The following ANKS6 variants were observed in gnomAD, a reference collection of about 807,000 sequenced individuals.
ANKS6 encodes the protein ankyrin repeat and SAM domain-containing protein 6.
ANKS6 carries 47 observed loss-of-function variants against 77.9 expected under a neutral mutation model. The observed-to-expected ratio is 0.60, with a 90% CI of 0.48 to 0.77. ANKS6 has a LOEUF of 0.77. ANKS6 is among the 30% of genes least tolerant of loss of function. ANKS6 has a pLI of 0.00. For synonymous variants in ANKS6, 488 were observed against 501.7 expected (o/e 0.97, Z 0.37); for missense variants, 1,150 against 1,159.1 (o/e 0.99, Z 0.11).
chr9:98,774,009 G>A lies in ANKS6; in HGVS notation c.1689C>T (p.Pro563=), dbSNP rs1268617376. The change falls in exon 9 of 15, where the codon CCC becomes CCT. Residue 563 remains proline (P), a synonymous_variant. Coordinates refer to ENST00000353234, the MANE Select transcript of ANKS6 (RefSeq NM_173551.5). ...KLKAVIPPFL[P]PSSFELWSSD... ...AGCTCCACAGCTCAAAACTGGAAGG[G>A]GGTAGGAATGGGGGGATGACTGCTT... 2 of 1,581,266 alleles carry A rather than the reference G, an allele frequency of 1.3e-6. No individual in the cohort carries two copies. The highest frequency in any genetic ancestry group is 2.4e-5 in the East Asian group (1 of 42,156).
rs780843655 is a variant in ANKS6 at position 98,796,216 on chromosome 9, C to T, written c.276G>A (p.Pro92=). ...CGCGGCGCAGCAGGAAGCGCACCAG[C>T]GGTTCGTGGCCCCCGGCCGCGGCGA... ...LQFAAAGGHE[P]LVRFLLRRGA... is the part of the protein sequence containing the mutation. The change falls in exon 1 of 15, where the codon CCG becomes CCA. Residue 92 remains proline, a synonymous_variant. Transcript: ENST00000353234. 2.8e-6 allele frequency: 4 copies of T among 1,413,294 alleles called. No homozygotes were observed. Among genetic ancestry groups the T allele is most frequent in the Non-Finnish European group, 3.7e-6 (4 of 1,082,556 alleles). The allele number at this position is 1,413,294 out of a possible 1,614,324, so 87.5% of individuals were successfully genotyped here.
At chr9:98,753,627 A>C (rs923292101) in intron 12 of ANKS6, among the ~76,000 whole-genome samples, 2 of 151,516 alleles carry the variant, frequency 1.3e-5, no homozygotes, top group African/African-American at 4.9e-5. Flanking sequence ...TCTCAAAAAA[A>C]AAAAAAGCAA....
chr9:98,758,614 TCTA>T (rs1444959946), intron 11 of ANKS6, among the ~76,000 whole-genome samples: 2 of 152,156 alleles, frequency 1.3e-5, no homozygotes, highest in African/African-American at 2.4e-5. Context: ...TACTTTTATA[TCTA>T]CTAACTCTGT....
chr9:98,790,754 T>C (rs1013352992), intron 1 of ANKS6, 148 bp from the exon 2 acceptor site: 31 of 1,108,878 alleles, frequency 2.8e-5, no homozygotes, highest in Non-Finnish European at 3.6e-5. Context: ...GCCAGCCACA[T>C]GGATGCAGAT....
rs1405105690 is a variant in ANKS6, at chr9:98,732,964, C to T, written c.*3555G>A. ...TTCTGCCTAAACCTGCCCTTTGAGG[C>T]CCCACTCCATCTCTCTCCTCTGGGG... On this transcript the variant is annotated 3_prime_UTR_variant, in exon 15 of 15. Coordinates refer to ENST00000353234, the MANE Select transcript of ANKS6 (RefSeq NM_173551.5). 3 of 1,033,710 alleles carry T rather than the reference C, an allele frequency of 2.9e-6. No homozygotes were observed. The highest frequency in any genetic ancestry group is 1.0e-4 in the Admixed American group (2 of 19,910). The allele number at this position is 1,033,710 out of a possible 1,614,324, so 64.0% of individuals were successfully genotyped here. A position where few individuals can be genotyped will look rare whatever the true frequency, so the allele number is the denominator to read the frequency against.
intron 11 of ANKS6, among the ~76,000 whole-genome samples, chr9:98,765,777 G>A (rs771970018): frequency 2.6e-5 from 4 of 152,048 alleles, no homozygotes; most frequent in South Asian, 4.1e-4. Flanking sequence ...ACTGATTCAC[G>A]GCCCTGCTAG....
At chr9:98,780,379 G>A (rs1187416201) in intron 5 of ANKS6, 42 bp from the exon 6 acceptor site, 2 of 1,538,586 alleles carry the variant, frequency 1.3e-6, no homozygotes, top group Non-Finnish European at 1.8e-6. Context: ...AAATATGTCT[G>A]TTGGGCCATA....
intron 3 of ANKS6, 115 bp downstream of exon 3, chr9:98,784,717 T>C: frequency 1.0e-6 from 1 of 975,334 alleles, no homozygotes; most frequent in South Asian, 1.5e-5. Flanking sequence ...AACACCAAAA[T>C]GCCTGTTTCT....
intron 5 of ANKS6, among the ~76,000 whole-genome samples, chr9:98,781,820 C>T (rs867467631): frequency 6.6e-6 from 1 of 152,194 alleles, no homozygotes; most frequent in African/African-American, 2.4e-5. Flanking sequence ...CCCAGTGGGT[C>T]AGAAGGGCCT....
intron 5 of ANKS6, among the ~76,000 whole-genome samples, chr9:98,781,201 A>C (rs1007790069): frequency 6.6e-6 from 1 of 152,100 alleles, no homozygotes; most frequent in Non-Finnish European, 1.5e-5. Context: ...ACGCCAGGTT[A>C]TTTCTTTTTT....
In ANKS6 at chr9:98,782,501, C is replaced by T. The variant is rs146980948; in HGVS notation, c.1185G>A (p.Thr395=). 1.8e-5 allele frequency: 29 copies of T among 1,614,126 alleles called. No individual in the cohort carries two copies. The Admixed American group carries it at 3.3e-4, about 19-fold the overall frequency. The part of the protein sequence containing the change: ...DVTLRAKNGY[T]AFDLVMLLND... ...TCAGCAGCATCACCAGGTCAAAGGC[C>T]GTGTATCCATTTTTTGCACGAAGAG... is the stretch of plus-strand genomic sequence containing the variant. The change falls in exon 5 of 15, where the codon ACG becomes ACA. Residue 395 remains threonine, a synonymous_variant. Coordinates refer to ENST00000353234, the MANE Select transcript of ANKS6 (RefSeq NM_173551.5).
chr9:98,736,631 G>C lies in ANKS6; in HGVS notation c.2512-8C>G. 1 of 1,599,690 alleles carries C rather than the reference G, an allele frequency of 6.3e-7. No individual in the cohort carries two copies. The highest frequency in any genetic ancestry group is 8.5e-7 in the Non-Finnish European group (1 of 1,172,568). On this transcript the variant is annotated splice_region_variant and splice_polypyrimidine_tract_variant and intron_variant, in intron 14 of 14. Transcript: ENST00000353234. ...AATTTGTCTCTCGCGTCCCTGTGGA[G>C]GAAATTGAAAACAGACACAGAAAGT...
At chr9:98,775,048 G>A (rs532028257) in intron 8 of ANKS6, among the ~76,000 whole-genome samples, 11 of 152,310 alleles carry the variant, frequency 7.2e-5, no homozygotes, top group Non-Finnish European at 1.0e-4. Flanking sequence ...TCCCAGGCTG[G>A]CTCTGTCCTG....
chr9:98,782,627 C>T (rs1250281542), intron 4 of ANKS6, 54 bp from the exon 5 acceptor site: 2 of 1,434,674 alleles, frequency 1.4e-6, no homozygotes, highest in African/African-American at 2.8e-5. Flanking sequence ...TGGCTTTGCT[C>T]CTGGGCAACA....
chr9:98,791,030 T>A lies in ANKS6; in HGVS notation c.360-424A>T, dbSNP rs1475332796. ...TATTATAATTGTTCATGTTACGTTA[T>A]TCAACGTGCCAAGGGTTACCCGGCT... On this transcript the variant is annotated intron_variant, in intron 1 of 14. Transcript: ENST00000353234. This position sits in a 1 kb window ranked among gnomAD's most constrained non-coding sequence, Gnocchi z 4.3. Among the ~76,000 whole-genome samples, 2 of 152,258 alleles carry A rather than the reference T, an allele frequency of 1.3e-5. No homozygotes were observed. Among genetic ancestry groups the A allele is most frequent in the Non-Finnish European group, 2.9e-5 (2 of 68,044 alleles).
At position 98,771,061 on chromosome 9, in the gene ANKS6, C is replaced by T. The variant is rs1440198509; in HGVS notation, c.1822-15G>A. 1.3e-6 allele frequency: 2 copies of T among 1,536,370 alleles called. No homozygotes were observed. Among genetic ancestry groups the T allele is most frequent in the Non-Finnish European group, 1.8e-6 (2 of 1,138,846 alleles). ...CTGACGGGTGTCTACAAGAATAAGG[C>T]AGGTGCAGCACTTAGGGAGGCTGCT... is the stretch of plus-strand genomic sequence containing the variant. On this transcript the variant is annotated splice_polypyrimidine_tract_variant and intron_variant, in intron 9 of 14. Coordinates refer to ENST00000353234, the MANE Select transcript of ANKS6 (RefSeq NM_173551.5).
Position 98,736,444 on chromosome 9 carries a change from C to T in ANKS6, c.*75G>A. ...CTAAGGCACAGCAGTGTGACGGGGG[C>T]AGGGCTGGGGCTGTGGCCACGTGAA... On this transcript the variant is annotated 3_prime_UTR_variant, in exon 15 of 15. Transcript: ENST00000353234. 2 of 1,495,842 alleles carry T rather than the reference C, an allele frequency of 1.3e-6. No individual in the cohort carries two copies. Among genetic ancestry groups the T allele is most frequent in the Admixed American group, 2.3e-5 (1 of 43,054 alleles). The allele number at this position is 1,495,842 out of a possible 1,614,324, so 92.7% of individuals were successfully genotyped here.
rs944653514 is a variant in ANKS6, at chr9:98,796,281, C to A, written c.211G>T (p.Val71Leu). The A allele has an allele frequency of 3.4e-5, 45 of 1,318,778 alleles. No homozygotes were observed. The Admixed American group carries it at 4.3e-4, about 13-fold the overall frequency. 81.7% of individuals were successfully genotyped at this position (1,318,778 alleles called of 1,614,324 possible). The change falls in exon 1 of 15, where the codon GTG (valine) becomes TTG (leucine). Residue 71 changes from valine (V) to leucine (L), a missense_variant. Physicochemically the swap from Val to Leu is conservative, Grantham distance 32 (BLOSUM62 1). Transcript: ENST00000353234. Reference protein sequence around the residue: ...AAGAVGAPVPVDCSDEAGNTA... With the variant: ...AAGAVGAPVPLDCSDEAGNTA... The stretch of plus-strand genomic sequence containing the variant: ...TTGCCCGCCTCGTCCGAGCAATCCA[C>A]GGGCACCGGAGCCCCGACTGCCCCC...
chr9:98,764,931 G>T (rs1833188479), intron 11 of ANKS6, among the ~76,000 whole-genome samples: 1 of 152,040 alleles, frequency 6.6e-6, no homozygotes, highest in African/African-American at 2.4e-5. Context: ...TGTAAATTTT[G>T]CTAAAAATTG....
Sources: gnomAD v4.1 joint callset for allele counts (sites outside exome capture counted in the v4.1 genomes callset) on GRCh38, gnomAD v4.1.1 for gene constraint, Gnocchi (gnomAD v3.1) non-coding constraint, MANE v1.5 for transcripts, NCBI Gene and HGNC (gene_info 2026-07-23, HGNC 2026-07-21) for gene names.